MIPOL1: variants seen among roughly 807,000 people sequenced by gnomAD.
MIPOL1 encodes mirror-image polydactyly gene 1 protein.
A neutral mutation model predicts 60.9 loss-of-function variants in MIPOL1; 57 were observed. The ratio of observed to expected loss-of-function variants is 0.94; its 90% confidence interval spans 0.76 to 1.17. MIPOL1 has a LOEUF of 1.17. Ranked by LOEUF, MIPOL1 falls within the 50% of genes most tolerant of loss-of-function variation. The probability of loss-of-function intolerance (pLI) is 0.00; values close to 1 mark genes in which losing one functional copy is unlikely to be tolerated. For missense variants in MIPOL1, 551 were observed against 511.6 expected, an observed-to-expected ratio of 1.08 and a Z score of -0.74; for synonymous variants, 179 against 168.8, an observed-to-expected ratio of 1.06 and a Z score of -0.47.
intron 1 of MIPOL1, among the ~76,000 whole-genome samples, chr14:37,238,122 C>G (rs1463340660): frequency 6.6e-6 from 1 of 152,152 alleles, no homozygotes; most frequent in African/African-American, 2.4e-5. Flanking sequence ...CAAACACTAT[C>G]TTCTCCCTTC....
intron 11 of MIPOL1, among the ~76,000 whole-genome samples, chr14:37,461,567 C>CT (rs2094539109): frequency 6.6e-6 from 1 of 152,076 alleles, no homozygotes; most frequent in South Asian, 2.1e-4. Flanking sequence ...CCAATCATGC[C>CT]TTCAGAACAG....
chr14:37,447,123 A>G (rs1420974239), intron 11 of MIPOL1, among the ~76,000 whole-genome samples: 1 of 151,988 alleles, frequency 6.6e-6, no homozygotes, highest in Non-Finnish European at 1.5e-5. Flanking sequence ...CTGCACATAT[A>G]TGGTCAGTTT....
intron 11 of MIPOL1, among the ~76,000 whole-genome samples, chr14:37,489,750 ACCCTGTTTG>A (rs1200593531): frequency 2.6e-5 from 4 of 151,958 alleles, no homozygotes; most frequent in Non-Finnish European, 5.9e-5. Flanking sequence ...TCCACTCTAG[ACCCTGTTTG>A]CCTGGGTATC....
At chr14:37,486,914 G>GTT (rs934828999) in intron 11 of MIPOL1, among the ~76,000 whole-genome samples, 2 of 152,140 alleles carry the variant, frequency 1.3e-5, no homozygotes, top group African/African-American at 2.4e-5. Flanking sequence ...TCTTGTGCCA[G>GTT]TTTTCAAAGG....
At chr14:37,423,623 G>A (rs939783022) in intron 11 of MIPOL1, 3 of 151,892 alleles carry the variant, frequency 2.0e-5, no homozygotes, top group African/African-American at 4.8e-5. Flanking sequence ...AAAACACACC[G>A]ATGCACAATG....
At position 37,313,915 on chromosome 14, in the gene MIPOL1, A is replaced by G. The variant is rs567714148; in HGVS notation, c.828+5396A>G. The stretch of plus-strand genomic sequence containing the variant: ...TTTTCAGGTATTTTCACATCCTTCA[A>G]CCTTTCCTTGGGTTTCCTTCTACTT... On this transcript the variant is annotated intron_variant, in intron 9 of 12. Transcript: ENST00000684589. Among the ~76,000 whole-genome samples the G allele has an allele frequency of 6.6e-5, 10 of 152,216 alleles. No homozygotes were observed. The South Asian group carries it at 1.7e-3, about 25-fold the overall frequency.
chr14:37,218,881 C>T (rs1028346495), intron 1 of MIPOL1, among the ~76,000 whole-genome samples: 1 of 146,498 alleles, frequency 6.8e-6, no homozygotes, highest in Non-Finnish European at 1.5e-5. Flanking sequence ...GCCATAATTG[C>T]ACCACTGCAC....
intron 7 of MIPOL1, among the ~76,000 whole-genome samples, chr14:37,292,424 T>G (rs1018983614): frequency 6.6e-6 from 1 of 151,564 alleles, no homozygotes; most frequent in Non-Finnish European, 1.5e-5. Flanking sequence ...GTCAAAAACT[T>G]TTAGCAGAAC....
intron 6 of MIPOL1, among the ~76,000 whole-genome samples, chr14:37,275,211 A>G (rs1361142664): frequency 2.0e-5 from 3 of 151,192 alleles, no homozygotes; most frequent in African/African-American, 7.3e-5. Context: ...TTATGTGTTA[A>G]TGATTTACTT....
At chr14:37,227,064 T>C (rs1567062846) in intron 1 of MIPOL1, among the ~76,000 whole-genome samples, 1 of 152,222 alleles carries the variant, frequency 6.6e-6, no homozygotes, top group African/African-American at 2.4e-5. Context: ...ATTAGTTTCC[T>C]ACTGCTGCTG....
intron 9 of MIPOL1, among the ~76,000 whole-genome samples, chr14:37,341,268 C>T (rs1268368194): frequency 6.6e-6 from 1 of 152,182 alleles, no homozygotes; most frequent in Admixed American, 6.5e-5. Flanking sequence ...TTGCCACAAA[C>T]CTTCAATATG....
At chr14:37,405,470 A>G (rs901265399) in intron 10 of MIPOL1, among the ~76,000 whole-genome samples, 1 of 152,178 alleles carries the variant, frequency 6.6e-6, no homozygotes, top group Admixed American at 6.6e-5. Context: ...AAAGTGTTTA[A>G]GAAAACTTAG....
intron 7 of MIPOL1, among the ~76,000 whole-genome samples, chr14:37,304,900 G>T (rs12436291): frequency 6.6e-6 from 1 of 151,672 alleles, no homozygotes; most frequent in Admixed American, 6.6e-5. Context: ...TTTACAAAAG[G>T]TTGAAATTCT....
intron 10 of MIPOL1, among the ~76,000 whole-genome samples, chr14:37,414,382 G>T (rs889118984): frequency 6.6e-6 from 1 of 152,088 alleles, no homozygotes; most frequent in Non-Finnish European, 1.5e-5. Flanking sequence ...CTCTTCAATT[G>T]TGGGTGAAGT....
intron 1 of MIPOL1, among the ~76,000 whole-genome samples, chr14:37,221,591 A>G (rs908254843): frequency 6.6e-6 from 1 of 152,180 alleles, no homozygotes; most frequent in African/African-American, 2.4e-5. Context: ...GGTGAAGGGG[A>G]AGCAGGCACA....
chr14:37,255,028 G>T (rs976287250), intron 3 of MIPOL1, among the ~76,000 whole-genome samples: 10 of 151,726 alleles, frequency 6.6e-5, no homozygotes, highest in Non-Finnish European at 1.2e-4. Flanking sequence ...TTTGTCAAAA[G>T]ATTTTTGCTT....
chr14:37,534,283 G>T (rs1199841317), intron 12 of MIPOL1, among the ~76,000 whole-genome samples: 2 of 152,070 alleles, frequency 1.3e-5, no homozygotes, highest in African/African-American at 2.4e-5. Flanking sequence ...TCGATTTAAA[G>T]TGAGAGAAAT....
rs1408086442 is a variant in MIPOL1 at position 37,200,675 on chromosome 14, T to G, written c.-199+2571T>G. ...TGGTTTCCCAGTTAGTTTTTTTTTT[T>G]TTTTTTTTTTTTAACACAGTCCTCT... On this transcript the variant is annotated intron_variant, in intron 1 of 12. Transcript: ENST00000684589. Among the ~76,000 whole-genome samples, 4 of 150,980 alleles carry G rather than the reference T, an allele frequency of 2.6e-5. No individual in the cohort carries two copies. In the East Asian group the frequency reaches 5.8e-4, roughly 22 times the overall value.
intron 10 of MIPOL1, among the ~76,000 whole-genome samples, chr14:37,371,618 C>T (rs544578180): frequency 2.0e-5 from 3 of 152,160 alleles, no homozygotes; most frequent in Non-Finnish European, 2.9e-5. Context: ...CTTTTTTAAG[C>T]ATCTGTGTTC....
Sources: allele counts gnomAD v4.1 joint callset (sites outside exome capture counted in the v4.1 genomes callset), GRCh38; gene constraint gnomAD v4.1.1; transcripts MANE v1.5; gene names NCBI Gene and HGNC (gene_info 2026-07-23, HGNC 2026-07-21).